Variants in HOMER1 observed in about 807,000 individuals in gnomAD.
HOMER1 encodes the protein homer scaffold protein 1.
In HOMER1, 3 loss-of-function variants were observed where a neutral mutation model predicts 48.9. The observed-to-expected ratio is 0.06, with a 90% CI of 0.03 to 0.16. The LOEUF (loss-of-function observed/expected upper bound fraction) is 0.16, where lower values mean the gene tolerates loss of function less well. Among genes scored for constraint, HOMER1 ranks in the 10% least tolerant of loss-of-function variants. The pLI, the probability that HOMER1 is intolerant of heterozygous loss-of-function variation, is 1.00. For missense variants in HOMER1, 247 were observed against 411.4 expected, an observed-to-expected ratio of 0.60 and a Z score of 3.46; for synonymous variants, 134 against 146.4, an observed-to-expected ratio of 0.92 and a Z score of 0.61.
intron 2 of HOMER1, among the ~76,000 whole-genome samples, chr5:79,451,556 C>CTTTTTT (rs71615542): frequency 1.1e-4 from 7 of 64,630 alleles, no homozygotes; most frequent in Admixed American, 2.2e-4. Context: ...AAATATGACA[C>CTTTTTT]TTTTTTTTTT....
rs907779471 is a variant in HOMER1, at chr5:79,373,763, C to G, written c.*2246G>C. ...ATTGTTAAATCACTAAAAAAGGAAA[C>G]AATTAGGCTCTATTGGACAAGAAAA... is the stretch of plus-strand genomic sequence containing the variant. On this transcript the variant is annotated 3_prime_UTR_variant, in exon 9 of 9. Transcript: ENST00000334082. 2 of 151,832 alleles carry G rather than the reference C, an allele frequency of 1.3e-5. No individual in the cohort carries two copies. Among genetic ancestry groups the G allele is most frequent in the Non-Finnish European group, 2.9e-5 (2 of 67,844 alleles). The allele number at this position is 151,832 out of a possible 1,614,324, so 9.4% of individuals were successfully genotyped here.
intron 1 of HOMER1, among the ~76,000 whole-genome samples, chr5:79,483,957 A>T (rs1368286851): frequency 2.1e-5 from 3 of 145,676 alleles, no homozygotes; most frequent in African/African-American, 7.7e-5. Flanking sequence ...GAAGCAGGAG[A>T]GTTGCTTGAA....
Position 79,388,992 on chromosome 5 carries a change from G to C in HOMER1, c.876+7831C>G, listed in dbSNP as rs537317051. 3.3e-5 allele frequency among the ~76,000 whole-genome samples: 5 copies of C among 152,036 alleles called. No homozygotes were observed. In the South Asian group the frequency reaches 1.0e-3, roughly 32 times the overall value. Reference sequence around the variant, plus strand: ...ATTAAAAAGGCCCACTGTGTACCTGGGAAAACACCCTCAACAATGTATTTC... The same window carrying C: ...ATTAAAAAGGCCCACTGTGTACCTGCGAAAACACCCTCAACAATGTATTTC... On this transcript the variant is annotated intron_variant, in intron 8 of 8. Transcript: ENST00000334082.
At chr5:79,417,753 C>T (rs1226563540) in intron 5 of HOMER1, among the ~76,000 whole-genome samples, 1 of 152,024 alleles carries the variant, frequency 6.6e-6, no homozygotes, top group Admixed American at 6.6e-5. Flanking sequence ...GACAAAAATG[C>T]CACTATTTCC....
chr5:79,383,448 C>T (rs371146168), intron 8 of HOMER1, among the ~76,000 whole-genome samples: 6 of 149,766 alleles, frequency 4.0e-5, no homozygotes, highest in East Asian at 2.0e-4. Flanking sequence ...TGCAGTGGTG[C>T]GATCTCAGCT....
rs1412859410 is a variant in HOMER1, at chr5:79,513,125, C to T, written c.-351G>A. 6.8e-6 allele frequency: 2 copies of T among 293,924 alleles called. No homozygotes were observed. The highest frequency in any genetic ancestry group is 2.2e-5 in the African/African-American group (1 of 44,982). The allele number at this position is 293,924 out of a possible 1,614,324, so 18.2% of individuals were successfully genotyped here. A position where few individuals can be genotyped will look rare whatever the true frequency, so the allele number is the denominator to read the frequency against. ...AAAAATGAGTTCGCTGGTCATTTCA[C>T]TCATGTCCTCCTCGACACTCAGGGA... On this transcript the variant is annotated 5_prime_UTR_variant, in exon 1 of 9. In the 5' UTR this introduces an upstream ATG that the reference lacks. Coordinates refer to ENST00000334082, the MANE Select transcript of HOMER1 (RefSeq NM_004272.5).
At chr5:79,403,490 G>A (rs563137451) in intron 5 of HOMER1, among the ~76,000 whole-genome samples, 2 of 152,154 alleles carry the variant, frequency 1.3e-5, no homozygotes, top group East Asian at 3.9e-4. Flanking sequence ...CAATAAATGC[G>A]TAACTTCAGT....
chr5:79,439,399 G>A (rs1054538995), intron 4 of HOMER1, among the ~76,000 whole-genome samples: 2 of 152,032 alleles, frequency 1.3e-5, no homozygotes, highest in Admixed American at 6.6e-5. Context: ...ATTTAGAAAC[G>A]GAAATATAAC....
In HOMER1 at chr5:79,507,630, T is replaced by A. The variant is rs1237530902; in HGVS notation, c.5+5140A>T. Reference sequence around the variant, plus strand: ...AGCACTCGGCACTCATTTTCCCTACTCTTCTGTCCAGTTAGTCATATTAAT... The same window carrying A: ...AGCACTCGGCACTCATTTTCCCTACACTTCTGTCCAGTTAGTCATATTAAT... On this transcript the variant is annotated intron_variant, in intron 1 of 8. Transcript: ENST00000334082. 2.6e-5 allele frequency among the ~76,000 whole-genome samples: 4 copies of A among 152,156 alleles called. No homozygotes were observed. In the East Asian group the frequency reaches 5.8e-4, roughly 22 times the overall value.
chr5:79,510,595 A>G (rs1580051379), intron 1 of HOMER1: 1 of 826,974 alleles, frequency 1.2e-6, no homozygotes, highest in Non-Finnish European at 2.1e-6. Flanking sequence ...AGAAGGGCCT[A>G]AAGAAGATGC....
At position 79,482,688 on chromosome 5, in the gene HOMER1, CT is replaced by C. The variant is rs770753723; in HGVS notation, c.6-25671del. 8.6e-5 allele frequency among the ~76,000 whole-genome samples: 13 copies of C among 151,964 alleles called. No homozygotes were observed. In the East Asian group the frequency reaches 2.1e-3, roughly 25 times the overall value. Reference sequence around the variant, plus strand: ...ACCTAATATGCATGCAACTGAAGTCCTCAAAAGTGGGAAGGATTAAAAATAA... The same window carrying C: ...ACCTAATATGCATGCAACTGAAGTCCCAAAAGTGGGAAGGATTAAAAATAA... On this transcript the variant is annotated intron_variant, in intron 1 of 8. Coordinates refer to ENST00000334082, the MANE Select transcript of HOMER1 (RefSeq NM_004272.5).
intron 3 of HOMER1, among the ~76,000 whole-genome samples, chr5:79,448,187 T>C (rs1750934080): frequency 6.6e-6 from 1 of 152,212 alleles, no homozygotes; most frequent in South Asian, 2.1e-4. Context: ...TGTGCTACTA[T>C]ACTTCTCCAA....
chr5:79,410,170 A>G (rs914409776), intron 5 of HOMER1, among the ~76,000 whole-genome samples: 1 of 152,146 alleles, frequency 6.6e-6, no homozygotes, highest in Non-Finnish European at 1.5e-5. Flanking sequence ...CTGCTCCTTT[A>G]ATAATCTGTC....
At chr5:79,410,266 C>T (rs1303655236) in intron 5 of HOMER1, among the ~76,000 whole-genome samples, 3 of 151,548 alleles carry the variant, frequency 2.0e-5, no homozygotes, top group Non-Finnish European at 2.9e-5. Context: ...CCGAGGCGGG[C>T]GAACCACCTG....
chr5:79,378,168 G>A lies in HOMER1; in HGVS notation c.877-1971C>T, dbSNP rs572057792. 2.1e-4 allele frequency among the ~76,000 whole-genome samples: 28 copies of A among 134,662 alleles called. 1 individual carries two copies. Among genetic ancestry groups the A allele is most frequent in the African/African-American group, 6.6e-4 (23 of 34,706 alleles). 88.3% of individuals were successfully genotyped at this position (134,662 alleles called of 152,430 possible). ...CGGGAGGCAGAGGTTGTGGTGAGCC[G>A]AAATTACGTTACTGCACTCCAGCCG... On this transcript the variant is annotated intron_variant, in intron 8 of 8. Transcript: ENST00000334082.
At chr5:79,474,206 ATTTTTTTTTTTTT>A (rs1009644672) in intron 1 of HOMER1, among the ~76,000 whole-genome samples, 3 of 98,724 alleles carry the variant, frequency 3.0e-5, no homozygotes, top group Admixed American at 2.3e-4. Context: ...CCCAACCAAA[ATTTTTTTTTTTTT>A]TTTTTTTTTT....
At chr5:79,440,785 C>T (rs986708966) in intron 4 of HOMER1, among the ~76,000 whole-genome samples, 3 of 152,122 alleles carry the variant, frequency 2.0e-5, no homozygotes, top group Admixed American at 1.3e-4. Context: ...ACAGGCCAAG[C>T]CAAACTAAAA....
intron 1 of HOMER1, among the ~76,000 whole-genome samples, chr5:79,463,252 T>C (rs936985589): frequency 6.6e-6 from 1 of 152,140 alleles, no homozygotes; most frequent in Non-Finnish European, 1.5e-5. Flanking sequence ...TTGCCAGAAG[T>C]TGGGTTAGGA....
chr5:79,510,847 C>T (rs1025645224), intron 1 of HOMER1: 1 of 716,582 alleles, frequency 1.4e-6, no homozygotes, highest in Middle Eastern at 3.9e-4. Context: ...AGCTTCAGTT[C>T]CAGCTCAGGC....
Sources: gnomAD v4.1 joint callset for allele counts (sites outside exome capture counted in the v4.1 genomes callset) on GRCh38, gnomAD v4.1.1 for gene constraint, MANE v1.5 for transcripts, NCBI Gene and HGNC (gene_info 2026-07-23, HGNC 2026-07-21) for gene names.